Variants in SLCO5A1 observed in about 807,000 individuals in gnomAD.
The protein encoded by SLCO5A1 is solute carrier organic anion transporter family member 5A1, also known as organic anion transporter polypeptide-related protein 4.
In SLCO5A1, 39 loss-of-function variants were observed where a neutral mutation model predicts 65.1. That is an observed-to-expected ratio of 0.60 (90% CI 0.46 to 0.78). The LOEUF is 0.78. Ranked by LOEUF, SLCO5A1 falls within the 30% of genes least tolerant of loss-of-function variation. The probability of loss-of-function intolerance (pLI) is 0.00; values close to 1 mark genes in which losing one functional copy is unlikely to be tolerated. For missense variants in SLCO5A1, 1,029 were observed against 1,069.4 expected (o/e 0.96, Z 0.53); for synonymous variants, 438 against 415.7 (o/e 1.05, Z -0.65).
At chr8:69,766,151 C>T (rs1818050345) in intron 2 of SLCO5A1, among the ~76,000 whole-genome samples, 1 of 152,156 alleles carries the variant, frequency 6.6e-6, no homozygotes, top group South Asian at 2.1e-4. Context: ...TACTCTGGTC[C>T]AGGCTCATCT....
rs1213099093 is a variant in SLCO5A1, at chr8:69,676,654, T to A, written c.2044A>T (p.Arg682Ter). The A allele has an allele frequency of 6.2e-7, 1 of 1,612,130 alleles. No homozygotes were observed. Among genetic ancestry groups the A allele is most frequent in the Non-Finnish European group, 8.5e-7 (1 of 1,179,122 alleles). Residue 682 changes from arginine (R) to a stop codon, truncating the protein, a stop_gained, in exon 9 of 10, where the codon AGA becomes TGA. Coordinates refer to ENST00000260126, the MANE Select transcript of SLCO5A1 (RefSeq NM_030958.3). LOFTEE classifies it high-confidence loss of function. ...AACTGCATTCCCAGTGCAAAAGGTC[T>A]CTCCTCATCTTCTACGGACCTACAG... ...VTLRSVEDEE[R>*]PFALGMQFVL...
At chr8:69,801,770 A>G (rs1426622280) in intron 2 of SLCO5A1, among the ~76,000 whole-genome samples, 2 of 152,238 alleles carry the variant, frequency 1.3e-5, no homozygotes, top group Admixed American at 1.3e-4. Flanking sequence ...TCACTCACCC[A>G]GAGTGACTCC....
At chr8:69,726,284 T>C (rs2080322943) in intron 5 of SLCO5A1, among the ~76,000 whole-genome samples, 2 of 152,226 alleles carry the variant, frequency 1.3e-5, no homozygotes. Flanking sequence ...AAAGTAGCCA[T>C]TTATATTGGA....
chr8:69,760,480 T>C (rs1025336351), intron 3 of SLCO5A1, among the ~76,000 whole-genome samples: 7 of 152,228 alleles, frequency 4.6e-5, no homozygotes, highest in Non-Finnish European at 8.8e-5. Context: ...GATGTTATTA[T>C]CATGTAATGA....
chr8:69,794,521 A>G (rs1243223547), intron 2 of SLCO5A1: 2 of 397,908 alleles, frequency 5.0e-6, no homozygotes, highest in Non-Finnish European at 9.9e-6. Context: ...GCAGTATGTC[A>G]GCACTCTTTC....
chr8:69,826,275 C>T (rs1820910329), intron 2 of SLCO5A1, among the ~76,000 whole-genome samples: 1 of 151,650 alleles, frequency 6.6e-6, no homozygotes, highest in African/African-American at 2.4e-5. Context: ...ACAAAATTGA[C>T]AAATGGGATC....
At chr8:69,802,151 G>A (rs1426159190) in intron 2 of SLCO5A1, among the ~76,000 whole-genome samples, 1 of 152,124 alleles carries the variant, frequency 6.6e-6, no homozygotes, top group Non-Finnish European at 1.5e-5. Context: ...CTCTCCTGGA[G>A]ATTAATAATG....
intron 4 of SLCO5A1, among the ~76,000 whole-genome samples, chr8:69,738,819 TG>T (rs1272973748): frequency 2.0e-5 from 3 of 152,144 alleles, no homozygotes; most frequent in African/African-American, 7.2e-5. Flanking sequence ...AGCTGAAAGG[TG>T]GGGGTTTAGC....
chr8:69,821,228 G>A lies in SLCO5A1; in HGVS notation c.907+10539C>T, dbSNP rs561631088. ...AAAAAAATTAGCTGGGCATGGTGGC[G>A]CACCCCTGTAATCCCAGCTACTCGG... On this transcript the variant is annotated intron_variant, in intron 2 of 9. Transcript: ENST00000260126. Among the ~76,000 whole-genome samples the A allele has an allele frequency of 1.5e-3, 228 of 152,052 alleles. 1 individual carries two copies. The highest frequency in any genetic ancestry group is 4.9e-3 in the African/African-American group (202 of 41,480).
At chr8:69,784,774 C>A (rs1166862040) in intron 2 of SLCO5A1, among the ~76,000 whole-genome samples, 2 of 81,954 alleles carry the variant, frequency 2.4e-5, no homozygotes, top group South Asian at 3.8e-4. Context: ...GGCAACAGAG[C>A]AAGACTCTGT....
intron 7 of SLCO5A1, among the ~76,000 whole-genome samples, chr8:69,680,866 G>A (rs1813738630): frequency 6.6e-6 from 1 of 152,116 alleles, no homozygotes; most frequent in Non-Finnish European, 1.5e-5. Flanking sequence ...ACTGCTCCTG[G>A]ACTGTGACAG....
At chr8:69,767,286 T>C (rs1448548549) in intron 2 of SLCO5A1, among the ~76,000 whole-genome samples, 1 of 152,230 alleles carries the variant, frequency 6.6e-6, no homozygotes, top group African/African-American at 2.4e-5. Context: ...CCCTACTTTT[T>C]ATTTCTATTT....
intron 5 of SLCO5A1, among the ~76,000 whole-genome samples, chr8:69,720,634 G>C (rs922534863): frequency 6.6e-6 from 1 of 152,186 alleles, no homozygotes; most frequent in Admixed American, 6.5e-5. Flanking sequence ...AAGAGAAAAC[G>C]TCATGTTTTA....
At chr8:69,691,422 A>T (rs1322060882) in intron 6 of SLCO5A1, among the ~76,000 whole-genome samples, 1 of 152,204 alleles carries the variant, frequency 6.6e-6, no homozygotes, top group Non-Finnish European at 1.5e-5. Flanking sequence ...TCTAGACATG[A>T]TGTTGAACAC....
chr8:69,748,722 G>A (rs148568862), intron 4 of SLCO5A1, among the ~76,000 whole-genome samples: 4 of 152,270 alleles, frequency 2.6e-5, no homozygotes, highest in African/African-American at 9.6e-5. Context: ...ACTATGTTCT[G>A]GAGCTGTGGT....
chr8:69,682,321 T>C lies in SLCO5A1; in HGVS notation c.1645A>G (p.Arg549Gly). The C allele has an allele frequency of 6.2e-7, 1 of 1,608,504 alleles. No individual in the cohort carries two copies. Among genetic ancestry groups the C allele is most frequent in the Non-Finnish European group, 8.5e-7 (1 of 1,177,810 alleles). Residue 549 changes from arginine (R) to glycine (G), a missense_variant, in exon 7 of 10, where the codon AGG becomes GGG. Coordinates refer to ENST00000260126, the MANE Select transcript of SLCO5A1 (RefSeq NM_030958.3). The stretch of plus-strand genomic sequence containing the variant: ...ACGTTGCAGCTTCCTGTCAGATTCC[T>C]ATGGGGCATGGTGAGAGAAGGTCTA... Reference protein sequence around the residue: ...TTGPSLTMPHRNLTGSCNVNC... With the variant: ...TTGPSLTMPHGNLTGSCNVNC...
chr8:69,738,871 C>A (rs1037590698), intron 4 of SLCO5A1, among the ~76,000 whole-genome samples: 9 of 152,224 alleles, frequency 5.9e-5, no homozygotes, highest in East Asian at 1.9e-4. Flanking sequence ...AAAGCCTCAC[C>A]CTTGAGTCTA....
intron 4 of SLCO5A1, among the ~76,000 whole-genome samples, chr8:69,748,765 A>G (rs1046602649): frequency 1.3e-5 from 2 of 152,192 alleles, no homozygotes; most frequent in African/African-American, 4.8e-5. Context: ...CAACAGCTTC[A>G]GTATCATCTG....
At chr8:69,732,250 A>G (rs1042831706) in intron 5 of SLCO5A1, among the ~76,000 whole-genome samples, 14 of 152,116 alleles carry the variant, frequency 9.2e-5, no homozygotes, top group Non-Finnish European at 1.9e-4. Context: ...TTACACCCCA[A>G]CCTAATTCTT....
Sources: gnomAD v4.1 joint callset for allele counts (sites outside exome capture counted in the v4.1 genomes callset) on GRCh38, gnomAD v4.1.1 for gene constraint, MANE v1.5 for transcripts, NCBI Gene and HGNC (gene_info 2026-07-23, HGNC 2026-07-21) for gene names.